DRP2: variants seen among roughly 807,000 people sequenced by gnomAD.
DRP2 encodes dystrophin-related protein 2.
A neutral mutation model predicts 78.2 loss-of-function variants in DRP2; 29 were observed. The observed-to-expected ratio is 0.37, with a 90% CI of 0.28 to 0.51. The LOEUF is 0.51. DRP2 is among the 20% of genes least tolerant of loss of function. DRP2 has a pLI of 0.94. For missense variants in DRP2, 686 were observed against 770.6 expected (o/e 0.89, Z 1.30); for synonymous variants, 290 against 281.9 (o/e 1.03, Z -0.29).
At position 101,241,998 on chromosome X, in the gene DRP2, T is replaced by G. The variant is rs1880375881; in HGVS notation, c.828+62T>G. 66 of 1,094,438 alleles carry G rather than the reference T, an allele frequency of 6.0e-5. 1 individual carries two copies. The South Asian group carries it at 1.3e-3, about 21-fold the overall frequency. 90.2% of individuals were successfully genotyped at this position (1,094,438 alleles called of 1,213,427 possible). A position where few individuals can be genotyped will look rare whatever the true frequency, so the allele number is the denominator to read the frequency against. On this transcript the variant is annotated intron_variant, in intron 7 of 23. Transcript: ENST00000395209. Reference sequence around the variant, plus strand: ...GAGACCTGACACTCTCCCCAGACACTGACAATGTTTCTGCTGCTGAGACTC... The same window carrying G: ...GAGACCTGACACTCTCCCCAGACACGGACAATGTTTCTGCTGCTGAGACTC...
At chrX:101,221,153 T>G (rs1351587091) in intron 1 of DRP2, among the ~76,000 whole-genome samples, 10 of 112,539 alleles carry the variant, frequency 8.9e-5, no homozygotes, top group Non-Finnish European at 1.9e-5. Flanking sequence ...CTGCTTCCGT[T>G]GAAAGCATGG....
chrX:101,230,638 C>T (rs946855469), intron 2 of DRP2, among the ~76,000 whole-genome samples: 4 of 111,539 alleles, frequency 3.6e-5, no homozygotes, highest in African/African-American at 1.3e-4. Context: ...CAATCCTCTG[C>T]TTGTCATTCA....
At position 101,231,771 on chromosome X, in the gene DRP2, G is replaced by T; in HGVS notation, c.117+7G>T. On this transcript the variant is annotated splice_region_variant and intron_variant, in intron 3 of 23. Transcript: ENST00000395209. ...CACCTGCCCCCACCCTCAGGTAAGA[G>T]TCTGATAGTGAAAGAAAGACCTGTG... 8.4e-7 allele frequency: 1 copy of T among 1,187,580 alleles called. No homozygotes were observed. The highest frequency in any genetic ancestry group is 1.1e-6 in the Non-Finnish European group (1 of 877,208).
chrX:101,257,646 A>G (rs1242007999), intron 21 of DRP2, among the ~76,000 whole-genome samples: 1 of 102,453 alleles, frequency 9.8e-6, no homozygotes, highest in African/African-American at 3.5e-5. Flanking sequence ...CAACAGAGTG[A>G]AAAAAAAAAA....
chrX:101,260,234 C>A (rs749532316), intron 23 of DRP2, 65 bp downstream of exon 23: 857 of 1,184,155 alleles, frequency 7.2e-4, no homozygotes, highest in Non-Finnish European at 9.3e-4. Flanking sequence ...GATTTCCTGC[C>A]CAAGGCTTTG....
At position 101,263,444 on chromosome X, in the gene DRP2, T is replaced by G. The variant is rs764652101; in HGVS notation, c.*2823T>G. The G allele has an allele frequency of 8.9e-6, 1 of 112,191 alleles. No individual in the cohort carries two copies. Among genetic ancestry groups the G allele is most frequent in the Non-Finnish European group, 1.9e-5 (1 of 53,241 alleles). The allele number at this position is 112,191 out of a possible 1,213,427, so 9.2% of individuals were successfully genotyped here. ...GAATGTGAGCATTTGCTGGGGTTGT[T>G]GTCAAATAGTATCAGAGAACAGTTA... is the stretch of plus-strand genomic sequence containing the variant. On this transcript the variant is annotated 3_prime_UTR_variant, in exon 24 of 24. Coordinates refer to ENST00000395209, the MANE Select transcript of DRP2 (RefSeq NM_001939.3).
At chrX:101,234,679 A>G (rs779850713) in intron 3 of DRP2, among the ~76,000 whole-genome samples, 8 of 110,816 alleles carry the variant, frequency 7.2e-5, no homozygotes, top group Non-Finnish European at 9.5e-5. Flanking sequence ...CCCAGGCAGC[A>G]CAGGTAGGAT....
chrX:101,240,279 A>G (rs895197864), intron 6 of DRP2, among the ~76,000 whole-genome samples: 2 of 111,486 alleles, frequency 1.8e-5, no homozygotes, highest in African/African-American at 6.5e-5. Flanking sequence ...GCTGGAGTGC[A>G]GTGGTGTGAT....
intron 21 of DRP2, among the ~76,000 whole-genome samples, chrX:101,256,851 G>T (rs142288756): frequency 0.016 from 1,716 of 107,245 alleles, 24 homozygotes; most frequent in Non-Finnish European, 0.025. Flanking sequence ...GAGCCACTGT[G>T]CCTGGCCTGA....
At chrX:101,234,039 G>A (rs1358907005) in intron 3 of DRP2, among the ~76,000 whole-genome samples, 1 of 111,795 alleles carries the variant, frequency 8.9e-6, no homozygotes, top group African/African-American at 3.3e-5. Context: ...GGATTCTGCT[G>A]CGCCTGCTTG....
chrX:101,244,515 C>T (rs1481034852), intron 9 of DRP2, among the ~76,000 whole-genome samples: 2 of 111,295 alleles, frequency 1.8e-5, no homozygotes, highest in Non-Finnish European at 3.8e-5. Context: ...TAGACACAGG[C>T]AGAGAGAGGC....
chrX:101,230,550 A>G (rs1922270237), intron 2 of DRP2, among the ~76,000 whole-genome samples: 1 of 110,214 alleles, frequency 9.1e-6, no homozygotes, highest in Admixed American at 9.7e-5. Context: ...AAATAAATAA[A>G]ATAAAATGCA....
Position 101,264,111 on chromosome X carries a change from C to T in DRP2, c.*3490C>T. The T allele has an allele frequency of 8.9e-6, 1 of 112,409 alleles. No individual in the cohort carries two copies. The highest frequency in any genetic ancestry group is 3.2e-5 in the African/African-American group (1 of 30,952). The allele number at this position is 112,409 out of a possible 1,213,427, so 9.3% of individuals were successfully genotyped here. A position where few individuals can be genotyped will look rare whatever the true frequency, so the allele number is the denominator to read the frequency against. On this transcript the variant is annotated 3_prime_UTR_variant, in exon 24 of 24. Coordinates refer to ENST00000395209, the MANE Select transcript of DRP2 (RefSeq NM_001939.3). ...TTCAGCTGGGTGGTTCCCGTAGGAA[C>T]AAGGAACACTTTAGCTACTTCTTAC...
chrX:101,251,191 A>C, intron 16 of DRP2, 108 bp downstream of exon 16: 1 of 739,228 alleles, frequency 1.4e-6, no homozygotes, highest in Non-Finnish European at 1.9e-6. Flanking sequence ...AATTACAGCT[A>C]GTCTATTGTA....
intron 2 of DRP2, among the ~76,000 whole-genome samples, chrX:101,227,963 C>T (rs1922177127): frequency 8.9e-6 from 1 of 111,997 alleles, no homozygotes; most frequent in African/African-American, 3.2e-5. Context: ...ATACAAACGA[C>T]CACTAAAAGT....
chrX:101,220,950 C>T (rs1349541118), intron 1 of DRP2, among the ~76,000 whole-genome samples: 3 of 111,602 alleles, frequency 2.7e-5, no homozygotes, highest in Admixed American at 1.9e-4. Context: ...CTGCTCTCAC[C>T]ACCTTTCCCA....
intron 2 of DRP2, among the ~76,000 whole-genome samples, chrX:101,230,240 C>T (rs752156292): frequency 8.9e-6 from 1 of 112,177 alleles, no homozygotes; most frequent in South Asian, 3.7e-4. Flanking sequence ...AAATGCAAAT[C>T]TCGGCCAGGC....
chrX:101,250,554 C>G lies in DRP2; in HGVS notation c.1672C>G (p.Pro558Ala), dbSNP rs778765111. ...VAAFGGSNVE[P>A]SVRSCFRFST... is the part of the protein sequence containing the mutation. ...AGCCTTTGGGGGCAGCAATGTGGAG[C>G]CCAGTGTCCGTAGTTGCTTCCGTTT... Residue 558 changes from proline to alanine, a missense_variant, in exon 15 of 24, where the codon CCC becomes GCC. Around this residue, in one of 2 missense-constraint regions of DRP2, gnomAD observed 423 missense variants for 531.5 expected, o/e 0.80. Transcript: ENST00000395209. 20 of 1,203,986 alleles carry G rather than the reference C, an allele frequency of 1.7e-5. No individual in the cohort carries two copies. In the South Asian group the frequency reaches 3.2e-4, roughly 20 times the overall value.
At chrX:101,253,038 A>T (rs1923193811) in intron 17 of DRP2, among the ~76,000 whole-genome samples, 1 of 112,064 alleles carries the variant, frequency 8.9e-6, no homozygotes, top group African/African-American at 3.2e-5. Context: ...AGAGAGAGCA[A>T]GGCAGTTCCA....
Sources: gnomAD v4.1 joint callset for allele counts (sites outside exome capture counted in the v4.1 genomes callset) on GRCh38, gnomAD v4.1.1 for gene constraint, gnomAD v4.1.1 regional missense constraint, MANE v1.5 for transcripts, NCBI Gene and HGNC (gene_info 2026-07-23, HGNC 2026-07-21) for gene names.